SAFB2: variants seen among roughly 807,000 people sequenced by gnomAD.
SAFB2 encodes scaffold attachment factor B2.
A neutral mutation model predicts 100.6 loss-of-function variants in SAFB2; 32 were observed. The observed-to-expected ratio is 0.32, with a 90% CI of 0.24 to 0.43. The LOEUF (loss-of-function observed/expected upper bound fraction) is 0.43. Among genes scored for constraint, SAFB2 ranks in the 20% least tolerant of loss-of-function variants. The probability of loss-of-function intolerance (pLI) is 1.00; values close to 1 mark genes in which losing one functional copy is unlikely to be tolerated. For missense variants in SAFB2, 1,185 were observed against 1,163.4 expected, an observed-to-expected ratio of 1.02 and a Z score of -0.27; for synonymous variants, 500 against 439.4, an observed-to-expected ratio of 1.14 and a Z score of -1.72.
At position 5,587,647 on chromosome 19, in the gene SAFB2, G is replaced by A; in HGVS notation, c.2705+54C>T. On this transcript the variant is annotated intron_variant, in intron 20 of 20. Transcript: ENST00000252542. The surrounding 1 kb of genome is among the most constrained non-coding windows in gnomAD (Gnocchi z 4.9). ...GCTGATCAAACATGCAAAAAAGGGA[G>A]AGGAAGTGAGGAGCAGGAGTGAACC... 1.3e-6 allele frequency: 2 copies of A among 1,496,940 alleles called. No individual in the cohort carries two copies. Among genetic ancestry groups the A allele is most frequent in the Non-Finnish European group, 1.8e-6 (2 of 1,117,092 alleles). The allele number at this position is 1,496,940 out of a possible 1,614,324, so 92.7% of individuals were successfully genotyped here.
chr19:5,622,503 C>A (rs1463154584), intron 1 of SAFB2, 27 bp downstream of exon 1: 6 of 1,553,318 alleles, frequency 3.9e-6, no homozygotes, highest in Non-Finnish European at 5.2e-6. Flanking sequence ...GCCTCCTGCG[C>A]CACCCCCGAG....
chr19:5,609,051 C>CAAAAAAAAA (rs60419324), intron 9 of SAFB2, among the ~76,000 whole-genome samples: 1 of 72,698 alleles, frequency 1.4e-5, no homozygotes, highest in Non-Finnish European at 2.5e-5. Context: ...GACGCAGTCT[C>CAAAAAAAAA]AAAAAAAAAA....
In SAFB2 at chr19:5,592,750, T is replaced by C; in HGVS notation, c.2345A>G (p.Asp782Gly). ...AGGAGGGGACAAGACCACTGACCTG[T>C]CGATGGCGTGGTCCTGGTACTGGCC... is the stretch of plus-strand genomic sequence containing the variant. ...DRGQYQDHAI[D>G]RREGSRPMMG... Residue 782 changes from aspartate (D) to glycine (G), a missense_variant, in exon 16 of 21, where the codon GAC becomes GGC. By Grantham distance (94) the Asp-to-Gly change is moderately conservative. This residue lies in a region of SAFB2 where 740 missense variants were observed against 687.1 expected (regional missense o/e 1.08). Coordinates refer to ENST00000252542, the MANE Select transcript of SAFB2 (RefSeq NM_014649.3). 6.2e-7 allele frequency: 1 copy of C among 1,614,016 alleles called. No homozygotes were observed. The highest frequency in any genetic ancestry group is 2.2e-5 in the East Asian group (1 of 44,880).
Position 5,598,560 on chromosome 19 carries a change from G to A in SAFB2, c.1782+233C>T, listed in dbSNP as rs2052582668. ...GTGTGAACCAATGCTCTGTCTGAAG[G>A]CGGCACATCCCGGTCAGGAGCCAGT... On this transcript the variant is annotated intron_variant, in intron 13 of 20. Coordinates refer to ENST00000252542, the MANE Select transcript of SAFB2 (RefSeq NM_014649.3). The A allele has an allele frequency of 2.0e-5, 11 of 550,076 alleles. 1 individual carries two copies. Among genetic ancestry groups the A allele is most frequent in the Middle Eastern group, 5.0e-4 (1 of 2,018 alleles). The allele number at this position is 550,076 out of a possible 1,614,324, so 34.1% of individuals were successfully genotyped here.
intron 14 of SAFB2, among the ~76,000 whole-genome samples, chr19:5,594,822 G>A (rs189959202): frequency 6.6e-6 from 1 of 152,218 alleles, no homozygotes; most frequent in Non-Finnish European, 1.5e-5. Flanking sequence ...TGGCAACATA[G>A]CCAAACCCCA....
At chr19:5,602,412 G>A (rs1301112082) in intron 11 of SAFB2, among the ~76,000 whole-genome samples, 8 of 148,924 alleles carry the variant, frequency 5.4e-5, no homozygotes, top group South Asian at 4.3e-4. Context: ...CCCGGGAGGC[G>A]GAGCTTGCAG....
chr19:5,589,408 G>C lies in SAFB2; in HGVS notation c.2525+870C>G, dbSNP rs560718178. Among the ~76,000 whole-genome samples the C allele has an allele frequency of 1.1e-3, 173 of 152,202 alleles. 1 individual carries two copies. Among genetic ancestry groups the C allele is most frequent in the African/African-American group, 3.9e-3 (164 of 41,542 alleles). On this transcript the variant is annotated intron_variant, in intron 18 of 20. Transcript: ENST00000252542. The stretch of plus-strand genomic sequence containing the variant: ...CGAGTCAAAGTCCCTGGCAGAGCTG[G>C]AAGTGCCTCTCAGCGCGGAGGGAGG...
intron 15 of SAFB2, 59 bp from the exon 16 acceptor site, chr19:5,592,946 AAGG>A (rs1599230615): frequency 2.6e-6 from 4 of 1,565,432 alleles, no homozygotes; most frequent in East Asian, 2.3e-5. Context: ...AGGAGGAAAA[AAGG>A]AGGAGGTGGA....
intron 16 of SAFB2, among the ~76,000 whole-genome samples, chr19:5,592,318 TATTCCTC>T (rs750052882): frequency 9.9e-5 from 15 of 152,142 alleles, no homozygotes; most frequent in Admixed American, 4.6e-4. Context: ...AAACTAGATG[TATTCCTC>T]ATTTTAAAAG....
At chr19:5,605,759 T>C (rs2052761564) in intron 9 of SAFB2, among the ~76,000 whole-genome samples, 1 of 152,188 alleles carries the variant, frequency 6.6e-6, no homozygotes, top group Non-Finnish European at 1.5e-5. Context: ...AGTTTTCAGA[T>C]CCTGGACATC....
At chr19:5,600,769 T>G (rs989147819) in intron 11 of SAFB2, among the ~76,000 whole-genome samples, 2 of 152,180 alleles carry the variant, frequency 1.3e-5, no homozygotes, top group African/African-American at 2.4e-5. Flanking sequence ...GACCGGTAAC[T>G]GCTGCATACT....
Position 5,594,237 on chromosome 19 carries a change from C to G in SAFB2, c.1920-59G>C. On this transcript the variant is annotated intron_variant, in intron 14 of 20. Coordinates refer to ENST00000252542, the MANE Select transcript of SAFB2 (RefSeq NM_014649.3). ...TGCGTGAGCCTCCAAGGAGAAAGCC[C>G]GGTGCCCAAAACTGGGTGTGTATTG... 13 of 1,480,074 alleles carry G rather than the reference C, an allele frequency of 8.8e-6. No homozygotes were observed. The South Asian group carries it at 1.2e-4, about 14-fold the overall frequency. The allele number at this position is 1,480,074 out of a possible 1,614,324, so 91.7% of individuals were successfully genotyped here. A position where few individuals can be genotyped will look rare whatever the true frequency, so the allele number is the denominator to read the frequency against.
At chr19:5,607,457 G>A (rs2052801260) in intron 9 of SAFB2, among the ~76,000 whole-genome samples, 1 of 152,186 alleles carries the variant, frequency 6.6e-6, no homozygotes, top group Admixed American at 6.5e-5. Context: ...GCACTACGCT[G>A]AAACCAACAG....
chr19:5,610,091 C>T lies in SAFB2; in HGVS notation c.1200G>A (p.Arg400=), dbSNP rs759300938. ...IKPIIKDEKG[R]VGSGSGRNLW... ...GGTTCCGACCAGAACCGCTGCCGAC[C>T]CGACCTGGCACGAGAGGGAGATTCT... The change falls in exon 9 of 21, where the codon CGG becomes CGA. Residue 400 remains arginine (R), a synonymous_variant. Coordinates refer to ENST00000252542, the MANE Select transcript of SAFB2 (RefSeq NM_014649.3). The T allele has an allele frequency of 2.5e-6, 4 of 1,613,858 alleles. No homozygotes were observed. Among genetic ancestry groups the T allele is most frequent in the Non-Finnish European group, 3.4e-6 (4 of 1,179,822 alleles).
chr19:5,589,209 C>T (rs115919311), intron 18 of SAFB2, among the ~76,000 whole-genome samples: 2,048 of 152,322 alleles, frequency 0.013, 47 homozygotes, highest in Admixed American at 0.052. Context: ...GTGAGTTTCC[C>T]GTTTACACTC....
intron 2 of SAFB2, 68 bp from the exon 3 acceptor site, chr19:5,616,554 T>C: frequency 1.5e-6 from 2 of 1,308,620 alleles, no homozygotes; most frequent in East Asian, 4.6e-5. Context: ...TTATGCAGAA[T>C]AGATTTCAAT....
intron 11 of SAFB2, among the ~76,000 whole-genome samples, chr19:5,603,898 G>A (rs921363771): frequency 2.6e-5 from 4 of 152,222 alleles, no homozygotes; most frequent in Non-Finnish European, 4.4e-5. Context: ...GACAGTTGCT[G>A]TGATTAATAA....
intron 2 of SAFB2, among the ~76,000 whole-genome samples, chr19:5,616,902 G>A (rs911569676): frequency 1.3e-5 from 2 of 151,868 alleles, no homozygotes; most frequent in South Asian, 2.1e-4. Flanking sequence ...CACCAGCCTC[G>A]GTCTCCCAAA....
Position 5,587,389 on chromosome 19 carries a change from A to G in SAFB2, c.2716T>C (p.Phe906Leu), listed in dbSNP as rs1816831108. 6.2e-7 allele frequency: 1 copy of G among 1,611,800 alleles called. No homozygotes were observed. Among genetic ancestry groups the G allele is most frequent in the Non-Finnish European group, 8.5e-7 (1 of 1,179,110 alleles). ...SRGGVAGRGG[F>L]AQGGHSQGHV... ...CCCTGGGAATGTCCACCTTGTGCAA[A>G]GCCGCCTCGCCTAGGAACAAAGTCA... Residue 906 changes from phenylalanine (F) to leucine (L), a missense_variant, in exon 21 of 21, where the codon TTT (phenylalanine) becomes CTT (leucine). Phe to Leu is a conservative substitution (Grantham distance 22). This residue lies in a region of SAFB2 where 740 missense variants were observed against 687.1 expected (regional missense o/e 1.08). Transcript: ENST00000252542. This position sits in a 1 kb window ranked among gnomAD's most constrained non-coding sequence, Gnocchi z 4.9.
Sources: allele counts gnomAD v4.1 joint callset (sites outside exome capture counted in the v4.1 genomes callset), GRCh38; gene constraint gnomAD v4.1.1; regional missense constraint gnomAD v4.1.1; non-coding constraint Gnocchi (gnomAD v3.1); transcripts MANE v1.5; gene names NCBI Gene and HGNC (gene_info 2026-07-23, HGNC 2026-07-21).